BRSK1: variants seen among roughly 807,000 people sequenced by gnomAD.
BRSK1 encodes serine/threonine-protein kinase BRSK1.
BRSK1 carries 17 observed loss-of-function variants against 86.2 expected under a neutral mutation model. The ratio of observed to expected loss-of-function variants is 0.20; its 90% CI spans 0.14 to 0.30. The LOEUF (loss-of-function observed/expected upper bound fraction) is 0.30. BRSK1 is among the 10% of genes least tolerant of loss of function. BRSK1 has a pLI of 1.00. For synonymous variants in BRSK1, 464 were observed against 440.1 expected (o/e 1.05, Z -0.68); for missense variants, 719 against 1,071.9 (o/e 0.67, Z 4.60).
intron 7 of BRSK1, among the ~76,000 whole-genome samples, chr19:55,297,590 A>G (rs1210823747): frequency 6.6e-6 from 1 of 152,122 alleles, no homozygotes; most frequent in Non-Finnish European, 1.5e-5. Flanking sequence ...CTCCATGGGG[A>G]GAGCAGCCGA....
chr19:55,311,358 C>T (rs760021804), intron 18 of BRSK1, among the ~76,000 whole-genome samples: 2 of 152,140 alleles, frequency 1.3e-5, no homozygotes, highest in Non-Finnish European at 2.9e-5. Context: ...ACCCAGCAAC[C>T]AGTGTTTCCA....
At position 55,310,639 on chromosome 19, in the gene BRSK1, G is replaced by T. The variant is rs1486453349; in HGVS notation, c.2180-1272G>T. Among the ~76,000 whole-genome samples the T allele has an allele frequency of 6.6e-6, 1 of 152,174 alleles. No individual in the cohort carries two copies. Among genetic ancestry groups the T allele is most frequent in the Non-Finnish European group, 1.5e-5 (1 of 68,038 alleles). The stretch of plus-strand genomic sequence containing the variant: ...GGATGCCAATGGCCTCTTGTAGGTG[G>T]AGGCCAGGGATGCTGTAAAACACCC... On this transcript the variant is annotated intron_variant, in intron 18 of 18. Transcript: ENST00000309383. The surrounding 1 kb of genome is among the most constrained non-coding windows in gnomAD (Gnocchi z 5.0).
At position 55,312,533 on chromosome 19, in the gene BRSK1, C is replaced by CAAAAAAAAAAAAAAAA. The variant is rs372052269; in HGVS notation, c.*479_*494dup. ...TCCGTGTCTCTGATTCCGCCGGCGG[C>CAAAAAAAAAAAAAAAA]AAAAAAAAAAAAAAAAAAAAAAAAA... On this transcript the variant is annotated 3_prime_UTR_variant, in exon 19 of 19. Coordinates refer to ENST00000309383, the MANE Select transcript of BRSK1 (RefSeq NM_032430.2). The CAAAAAAAAAAAAAAAA allele has an allele frequency of 3.9e-5, 1 of 25,726 alleles. No individual in the cohort carries two copies. Among genetic ancestry groups the CAAAAAAAAAAAAAAAA allele is most frequent in the African/African-American group, 1.8e-4 (1 of 5,638 alleles). 1.6% of individuals were successfully genotyped at this position (25,726 alleles called of 1,614,324 possible).
At chr19:55,305,417 C>T (rs755624990) in intron 15 of BRSK1, 46 bp from the exon 16 acceptor site, 3 of 1,614,118 alleles carry the variant, frequency 1.9e-6, no homozygotes, top group Admixed American at 3.3e-5. Context: ...GGATTCATGC[C>T]CTCGGCGCCT....
In BRSK1 at chr19:55,302,594, G is replaced by A. The variant is rs181338291; in HGVS notation, c.858-103G>A. On this transcript the variant is annotated intron_variant, in intron 9 of 18. Coordinates refer to ENST00000309383, the MANE Select transcript of BRSK1 (RefSeq NM_032430.2). The surrounding 1 kb of genome is among the most constrained non-coding windows in gnomAD (Gnocchi z 6.3). Reference sequence around the variant, plus strand: ...TCCTGGGTATGAGAGAGAAGGGGCCGGGGCCTAGACTCGGATTTCGGGGTC... The same window carrying A: ...TCCTGGGTATGAGAGAGAAGGGGCCAGGGCCTAGACTCGGATTTCGGGGTC... 118 of 1,431,194 alleles carry A rather than the reference G, an allele frequency of 8.2e-5. No individual in the cohort carries two copies. Among genetic ancestry groups the A allele is most frequent in the Non-Finnish European group, 1.1e-4 (112 of 1,050,572 alleles). The allele number at this position is 1,431,194 out of a possible 1,614,324, so 88.7% of individuals were successfully genotyped here. A position where few individuals can be genotyped will look rare whatever the true frequency, so the allele number is the denominator to read the frequency against.
rs543914757 is a variant in BRSK1, at chr19:55,299,567, G to C, written c.679-1945G>C. ...TGCCCGGCTAAATTTTGTATTTTTA[G>C]TAGAGATGGGGTTTCACCACGTTGG... On this transcript the variant is annotated intron_variant, in intron 7 of 18. Coordinates refer to ENST00000309383, the MANE Select transcript of BRSK1 (RefSeq NM_032430.2). Among the ~76,000 whole-genome samples, 5 of 152,062 alleles carry C rather than the reference G, an allele frequency of 3.3e-5. No homozygotes were observed. In the East Asian group the frequency reaches 9.7e-4, roughly 29 times the overall value.
chr19:55,284,545 C>T lies in BRSK1; in HGVS notation c.103C>T (p.Arg35Trp). Reference protein sequence around the residue: ...PQHAQYVGPYRLEKTLGKGQT... With the variant: ...PQHAQYVGPYWLEKTLGKGQT... Reference sequence around the variant, plus strand: ...GCACGCCCAATATGTGGGCCCCTATCGGCTGGAGAAGACGCTGGGCAAAGG... The same window carrying T: ...GCACGCCCAATATGTGGGCCCCTATTGGCTGGAGAAGACGCTGGGCAAAGG... The change falls in exon 1 of 19, where the codon CGG becomes TGG. Residue 35 changes from arginine (R) to tryptophan (W), a missense_variant. Transcript: ENST00000309383. 3 of 1,024,050 alleles carry T rather than the reference C, an allele frequency of 2.9e-6. No individual in the cohort carries two copies. The highest frequency in any genetic ancestry group is 3.7e-6 in the Non-Finnish European group (3 of 821,870). 63.4% of individuals were successfully genotyped at this position (1,024,050 alleles called of 1,614,324 possible).
chr19:55,311,813 G>A, intron 18 of BRSK1, 98 bp from the exon 19 acceptor site: 1 of 1,324,890 alleles, frequency 7.5e-7, no homozygotes, highest in East Asian at 2.5e-5. Flanking sequence ...CGGGGTTACT[G>A]AGACCGACTG....
intron 3 of BRSK1, chr19:55,288,132 C>G (rs192056600): frequency 1.3e-5 from 2 of 152,204 alleles, no homozygotes; most frequent in Non-Finnish European, 2.9e-5. Context: ...GGAGGCAGGG[C>G]CATGGGAGTT....
Position 55,284,489 on chromosome 19 carries a change from A to AACCCCCC in BRSK1, c.47_48insACCCCCC (p.His16GlnfsTer36). On this transcript the variant is annotated frameshift_variant, in exon 1 of 19. Transcript: ENST00000309383. LOFTEE classifies it high-confidence loss of function. The stretch of plus-strand genomic sequence containing the variant: ...GGAGGTGGGGGCTCTCCCGCCTACC[A>AACCCCCC]CCTCCCCCACCCCCACCCCCACCCA... The AACCCCCC allele has an allele frequency of 1.3e-6, 1 of 764,828 alleles. No individual in the cohort carries two copies. Among genetic ancestry groups the AACCCCCC allele is most frequent in the Non-Finnish European group, 1.9e-6 (1 of 515,354 alleles). The allele number at this position is 764,828 out of a possible 1,614,324, so 47.4% of individuals were successfully genotyped here.
rs1322141795 is a variant in BRSK1 at position 55,294,098 on chromosome 19, G to C, written c.540G>C (p.Leu180=). The change falls in exon 5 of 19, where the codon CTG becomes CTC. Residue 180 remains leucine, a synonymous_variant. Coordinates refer to ENST00000309383, the MANE Select transcript of BRSK1 (RefSeq NM_032430.2). The surrounding 1 kb of genome is among the most constrained non-coding windows in gnomAD (Gnocchi z 4.9). ...TTGCAGACTTCGGCATGGCGTCCCT[G>C]CAGGTGGGGGACAGCCTCCTGGAGA... The part of the protein sequence containing the change: ...IRIADFGMAS[L]QVGDSLLETS... 2.5e-6 allele frequency: 4 copies of C among 1,613,816 alleles called. No individual in the cohort carries two copies. Among genetic ancestry groups the C allele is most frequent in the Non-Finnish European group, 2.5e-6 (3 of 1,179,862 alleles).
At chr19:55,295,247 C>T (rs932971951) in intron 7 of BRSK1, among the ~76,000 whole-genome samples, 2 of 152,234 alleles carry the variant, frequency 1.3e-5, no homozygotes, top group Admixed American at 6.5e-5. Flanking sequence ...CTCAGCCTCC[C>T]GAGCAGCTGG....
chr19:55,312,446 A>G lies in BRSK1; in HGVS notation c.*378A>G. ...CCCCTCCTCCCCTGGTCCTCCCCCC[A>G]CGACCTTCTGTACGGATTTGCTCTC... On this transcript the variant is annotated 3_prime_UTR_variant, in exon 19 of 19. Coordinates refer to ENST00000309383, the MANE Select transcript of BRSK1 (RefSeq NM_032430.2). 9.5e-6 allele frequency: 1 copy of G among 105,202 alleles called. No individual in the cohort carries two copies. Among genetic ancestry groups the G allele is most frequent in the Non-Finnish European group, 1.7e-5 (1 of 58,046 alleles). The allele number at this position is 105,202 out of a possible 1,614,324, so 6.5% of individuals were successfully genotyped here. A position where few individuals can be genotyped will look rare whatever the true frequency, so the allele number is the denominator to read the frequency against.
intron 18 of BRSK1, 48 bp downstream of exon 18, chr19:55,308,776 GT>G: frequency 1.9e-5 from 3 of 161,046 alleles, no homozygotes; most frequent in Admixed American, 1.4e-4. Flanking sequence ...GGCGGGGGCC[GT>G]GGGTGGCGGG....
intron 7 of BRSK1, among the ~76,000 whole-genome samples, chr19:55,297,098 A>G (rs1467922975): frequency 6.6e-6 from 1 of 152,184 alleles, no homozygotes. Context: ...TGTTTTTGAG[A>G]CGGATTCTTG....
intron 4 of BRSK1, among the ~76,000 whole-genome samples, chr19:55,289,855 C>T (rs1167790043): frequency 6.6e-6 from 1 of 152,152 alleles, no homozygotes; most frequent in Non-Finnish European, 1.5e-5. Context: ...ATTTTCTCAC[C>T]CTGTACCCAT....
At chr19:55,290,079 C>G (rs904532674) in intron 4 of BRSK1, among the ~76,000 whole-genome samples, 1 of 152,220 alleles carries the variant, frequency 6.6e-6, no homozygotes, top group African/African-American at 2.4e-5. Context: ...ACTACAACCT[C>G]TGCCTCCCAG....
At chr19:55,289,345 G>A (rs1051460735) in intron 3 of BRSK1, 135 bp from the exon 4 acceptor site, 6 of 1,040,364 alleles carry the variant, frequency 5.8e-6, no homozygotes, top group Non-Finnish European at 8.3e-6. Flanking sequence ...GGACCCATGG[G>A]AATTGGAGTC....
Position 55,304,354 on chromosome 19 carries a change from A to G in BRSK1, c.1348-197A>G, listed in dbSNP as rs1367773481. 6.6e-6 allele frequency among the ~76,000 whole-genome samples: 1 copy of G among 152,132 alleles called. No homozygotes were observed. The highest frequency in any genetic ancestry group is 1.9e-4 in the East Asian group (1 of 5,190). The stretch of plus-strand genomic sequence containing the variant: ...GTGCCTGCTGTGTACTAGTATCTGC[A>G]CCGGCTGGGTTTTCAGCCCACAGCA... On this transcript the variant is annotated intron_variant, in intron 13 of 18. Transcript: ENST00000309383. This position sits in a 1 kb window ranked among gnomAD's most constrained non-coding sequence, Gnocchi z 5.2.
Sources: allele counts gnomAD v4.1 joint callset (sites outside exome capture counted in the v4.1 genomes callset), GRCh38; gene constraint gnomAD v4.1.1; non-coding constraint Gnocchi (gnomAD v3.1); transcripts MANE v1.5; gene names NCBI Gene and HGNC (gene_info 2026-07-23, HGNC 2026-07-21).